Variants in CNTNAP2 observed in about 807,000 individuals in gnomAD.
CNTNAP2 encodes contactin associated protein 2, also known as contactin-associated protein-like 2.
Under a neutral mutation model 155.2 loss-of-function variants are expected in CNTNAP2, and 98 were observed. The observed-to-expected ratio is 0.63, with a 90% CI of 0.54 to 0.75. The LOEUF (loss-of-function observed/expected upper bound fraction) is 0.75. CNTNAP2 is among the 30% of genes least tolerant of loss of function. The pLI is 0.00. For synonymous variants in CNTNAP2, 651 were observed against 631.2 expected (o/e 1.03, Z -0.47); for missense variants, 1,727 against 1,688.1 (o/e 1.02, Z -0.40).
chr7:147,743,704 T>TC (rs990545286), intron 13 of CNTNAP2, among the ~76,000 whole-genome samples: 11 of 151,674 alleles, frequency 7.3e-5, no homozygotes, highest in African/African-American at 2.7e-4. Context: ...TGACTTTTTT[T>TC]TTCCATCTGA....
intron 3 of CNTNAP2, among the ~76,000 whole-genome samples, chr7:146,908,560 AT>A (rs1400431251): frequency 7.6e-5 from 10 of 131,900 alleles, no homozygotes; most frequent in African/African-American, 3.0e-4. Flanking sequence ...TACTGGGTAC[AT>A]AACGAAATGA....
intron 13 of CNTNAP2, among the ~76,000 whole-genome samples, chr7:147,793,717 A>G (rs1216523818): frequency 6.6e-6 from 1 of 152,074 alleles, no homozygotes; most frequent in Admixed American, 6.5e-5. Context: ...TCAGGTGGGG[A>G]TTTAATACAG....
At chr7:146,627,982 A>G (rs1238985753) in intron 1 of CNTNAP2, among the ~76,000 whole-genome samples, 2 of 152,126 alleles carry the variant, frequency 1.3e-5, no homozygotes, top group East Asian at 1.9e-4. Context: ...GTGTTTGCCA[A>G]TGAGTGTGTG....
chr7:146,660,521 T>A (rs1047818157), intron 1 of CNTNAP2, among the ~76,000 whole-genome samples: 1 of 152,210 alleles, frequency 6.6e-6, no homozygotes. Flanking sequence ...TTAAAAGAGG[T>A]AATGTGTATA....
chr7:148,262,391 G>A (rs1248509873), intron 20 of CNTNAP2, among the ~76,000 whole-genome samples: 1 of 152,152 alleles, frequency 6.6e-6, no homozygotes, highest in African/African-American at 2.4e-5. Context: ...ACAAACTTAA[G>A]GACTTAAAAC....
At chr7:146,847,949 G>T (rs530513453) in intron 3 of CNTNAP2, among the ~76,000 whole-genome samples, 40 of 152,266 alleles carry the variant, frequency 2.6e-4, no homozygotes, top group African/African-American at 8.7e-4. Context: ...ACTTCGGAAA[G>T]AAATAACCCA....
intron 18 of CNTNAP2, among the ~76,000 whole-genome samples, chr7:148,176,211 CTTTTTTTTTTTTT>C (rs1188113801): frequency 0.017 from 1,593 of 92,864 alleles, 41 homozygotes; most frequent in African/African-American, 0.064. Context: ...CTTTCTTTCT[CTTTTTTTTTTTTT>C]TTTTTTTTTT....
chr7:146,556,522 C>T (rs975929039), intron 1 of CNTNAP2, among the ~76,000 whole-genome samples: 6 of 152,106 alleles, frequency 3.9e-5, no homozygotes, highest in African/African-American at 1.4e-4. Flanking sequence ...CTTTGTTTTA[C>T]TTTCTTCTAC....
chr7:146,186,447 A>G (rs1461011796), intron 1 of CNTNAP2, among the ~76,000 whole-genome samples: 1 of 152,192 alleles, frequency 6.6e-6, no homozygotes, highest in African/African-American at 2.4e-5. Context: ...ATGTTACTTG[A>G]TAACTAACTT....
At chr7:147,684,104 T>C (rs528044120) in intron 13 of CNTNAP2, among the ~76,000 whole-genome samples, 4 of 151,982 alleles carry the variant, frequency 2.6e-5, no homozygotes, top group Admixed American at 2.6e-4. Flanking sequence ...GATCATCCTA[T>C]TTCAACTACC....
At chr7:147,276,257 G>A (rs754406032) in intron 8 of CNTNAP2, among the ~76,000 whole-genome samples, 6 of 150,596 alleles carry the variant, frequency 4.0e-5, no homozygotes, top group African/African-American at 2.5e-5. Flanking sequence ...CAATAGGATC[G>A]ATACCAGCTC....
chr7:146,770,620 C>A (rs1456121487), intron 1 of CNTNAP2, among the ~76,000 whole-genome samples: 2 of 151,346 alleles, frequency 1.3e-5, no homozygotes, highest in African/African-American at 4.9e-5. Context: ...TATTGTTATT[C>A]TGAATAATTA....
chr7:146,632,840 A>G lies in CNTNAP2; in HGVS notation c.98-141431A>G, dbSNP rs140909104. 4.3e-3 allele frequency among the ~76,000 whole-genome samples: 661 copies of G among 152,142 alleles called. 6 individuals carry two copies. The highest frequency in any genetic ancestry group is 0.015 in the African/African-American group (632 of 41,550). ...TAGAATTTATAAAGATCCTGAATTT[A>G]TAGTAAAAGATTTATTGCTTCCATG... On this transcript the variant is annotated intron_variant, in intron 1 of 23. Transcript: ENST00000361727.
chr7:148,357,732 A>G (rs1257372480), intron 21 of CNTNAP2, among the ~76,000 whole-genome samples: 1 of 151,682 alleles, frequency 6.6e-6, no homozygotes, highest in Non-Finnish European at 1.5e-5. Flanking sequence ...GGCCTTTTGT[A>G]TAGAGCATAC....
chr7:147,791,274 A>G (rs1179815064), intron 13 of CNTNAP2, among the ~76,000 whole-genome samples: 1 of 151,858 alleles, frequency 6.6e-6, no homozygotes, highest in Non-Finnish European at 1.5e-5. Context: ...TCCAAAATCT[A>G]TCAGTTCACT....
intron 21 of CNTNAP2, among the ~76,000 whole-genome samples, chr7:148,311,614 G>A (rs1797597127): frequency 6.6e-6 from 1 of 152,146 alleles, no homozygotes; most frequent in African/African-American, 2.4e-5. Context: ...TGTAGGGAAG[G>A]GAGGGGGCCT....
intron 1 of CNTNAP2, among the ~76,000 whole-genome samples, chr7:146,231,674 C>T (rs990104234): frequency 3.9e-5 from 6 of 152,136 alleles, no homozygotes; most frequent in South Asian, 2.1e-4. Flanking sequence ...TAACTAAGAT[C>T]CCTTCTGAGC....
At chr7:147,983,094 A>G (rs1005576665) in intron 15 of CNTNAP2, among the ~76,000 whole-genome samples, 2 of 151,658 alleles carry the variant, frequency 1.3e-5, no homozygotes, top group Non-Finnish European at 2.9e-5. Context: ...TTCTGTACCA[A>G]TGAAACATTT....
intron 8 of CNTNAP2, among the ~76,000 whole-genome samples, chr7:147,265,991 C>T (rs1804598727): frequency 6.6e-6 from 1 of 152,120 alleles, no homozygotes; most frequent in Admixed American, 6.5e-5. Flanking sequence ...CAAAGGTCAG[C>T]AACCTCAAAG....
Sources: allele counts gnomAD v4.1 joint callset (sites outside exome capture counted in the v4.1 genomes callset), GRCh38; gene constraint gnomAD v4.1.1; transcripts MANE v1.5; gene names NCBI Gene and HGNC (gene_info 2026-07-23, HGNC 2026-07-21).